Variants in THADA observed in about 807,000 individuals in gnomAD.
THADA encodes THADA armadillo repeat containing, also known as tRNA (32-2'-O)-methyltransferase regulator THADA.
A neutral mutation model predicts 219.8 loss-of-function variants in THADA; 213 were observed. The observed-to-expected ratio is 0.97, with a 90% CI of 0.87 to 1.09. The LOEUF (loss-of-function observed/expected upper bound fraction) is 1.09, where lower values mean the gene tolerates loss of function less well. THADA is among the 50% of genes least tolerant of loss of function. The pLI, the probability that THADA is intolerant of heterozygous loss-of-function variation, is 0.00. For missense variants in THADA, 2,956 were observed against 2,311.3 expected (o/e 1.28, Z -5.72); for synonymous variants, 1,018 against 828.9 (o/e 1.23, Z -3.92).
intron 29 of THADA, among the ~76,000 whole-genome samples, chr2:43,375,150 A>G (rs1671229292): frequency 6.6e-6 from 1 of 152,198 alleles, no homozygotes; most frequent in African/African-American, 2.4e-5. Flanking sequence ...TAACATCTCT[A>G]TTCCTTACAG....
Position 43,567,701 on chromosome 2 carries a change from G to C in THADA, c.2188-880C>G, listed in dbSNP as rs182142945. ...ATTTATATGGTTTAATATAGTTCTTGTTTCCTGCAATCAGACTGTAGCCAC... is the reference window on the plus strand; with the variant it reads ...ATTTATATGGTTTAATATAGTTCTTCTTTCCTGCAATCAGACTGTAGCCAC... On this transcript the variant is annotated intron_variant, in intron 14 of 37. Transcript: ENST00000405975. Among the ~76,000 whole-genome samples the C allele has an allele frequency of 3.1e-3, 479 of 152,324 alleles. 3 individuals are homozygous for C. The highest frequency in any genetic ancestry group is 0.011 in the African/African-American group (462 of 41,576).
At chr2:43,569,343 T>C (rs1699039645) in intron 14 of THADA, among the ~76,000 whole-genome samples, 1 of 152,216 alleles carries the variant, frequency 6.6e-6, no homozygotes, top group East Asian at 1.9e-4. Flanking sequence ...GCCTTTTAGC[T>C]AAGATCAAGT....
intron 25 of THADA, among the ~76,000 whole-genome samples, chr2:43,489,006 G>A (rs1687265407): frequency 6.6e-6 from 1 of 152,084 alleles, no homozygotes; most frequent in Non-Finnish European, 1.5e-5. Context: ...AAATTGGGTT[G>A]TCGTTTATTA....
At chr2:43,465,390 C>A (rs1573784740) in intron 26 of THADA, among the ~76,000 whole-genome samples, 1 of 151,686 alleles carries the variant, frequency 6.6e-6, no homozygotes, top group East Asian at 1.9e-4. Flanking sequence ...TGACTGAGTT[C>A]AGAAGGGCTG....
chr2:43,512,371 G>C (rs548461607), intron 22 of THADA, among the ~76,000 whole-genome samples: 1 of 152,090 alleles, frequency 6.6e-6, no homozygotes, highest in Non-Finnish European at 1.5e-5. Flanking sequence ...CCTCTCCCAG[G>C]CAAGTCCTGA....
chr2:43,568,986 TG>T (rs905019693), intron 14 of THADA, among the ~76,000 whole-genome samples: 1 of 152,194 alleles, frequency 6.6e-6, no homozygotes, highest in African/African-American at 2.4e-5. Context: ...TTAATTTTTT[TG>T]AAGCAGGGTC....
At chr2:43,265,300 T>C (rs961277918) in intron 36 of THADA, among the ~76,000 whole-genome samples, 1 of 152,220 alleles carries the variant, frequency 6.6e-6, no homozygotes, top group Non-Finnish European at 1.5e-5. Flanking sequence ...TTTGAGTGTA[T>C]ATTTTAAAAC....
intron 25 of THADA, among the ~76,000 whole-genome samples, chr2:43,494,312 T>A (rs1183092444): frequency 6.6e-6 from 1 of 152,236 alleles, no homozygotes; most frequent in African/African-American, 2.4e-5. Context: ...ATATCATTCA[T>A]CTTTCCTTGC....
At chr2:43,455,571 C>G (rs574648658) in intron 26 of THADA, among the ~76,000 whole-genome samples, 2 of 151,920 alleles carry the variant, frequency 1.3e-5, no homozygotes, top group South Asian at 2.1e-4. Context: ...AAGAGTAATT[C>G]TGTCAGTTAA....
At chr2:43,592,090 G>C (rs776420249) in intron 2 of THADA, 44 bp from the exon 3 acceptor site, 1 of 1,444,296 alleles carries the variant, frequency 6.9e-7, no homozygotes, top group Non-Finnish European at 9.3e-7. Flanking sequence ...ATTTAACAGT[G>C]AGTTAACTTT....
At chr2:43,512,028 C>A (rs914958781) in intron 22 of THADA, among the ~76,000 whole-genome samples, 1 of 152,146 alleles carries the variant, frequency 6.6e-6, no homozygotes, top group Non-Finnish European at 1.5e-5. Context: ...CTATTTATTC[C>A]CTTGAGTATT....
At chr2:43,497,397 G>A (rs896787110) in intron 25 of THADA, among the ~76,000 whole-genome samples, 6 of 152,178 alleles carry the variant, frequency 3.9e-5, no homozygotes, top group Non-Finnish European at 7.3e-5. Context: ...GGACATGGAT[G>A]AGGCTAGAAG....
chr2:43,292,030 T>C (rs1674790711), intron 33 of THADA, 74 bp downstream of exon 33: 2 of 1,033,184 alleles, frequency 1.9e-6, no homozygotes, highest in Admixed American at 5.4e-5. Flanking sequence ...CAGGATTGTG[T>C]GCAAGTTCAT....
At chr2:43,492,212 C>G (rs1233041430) in intron 25 of THADA, 1 of 151,676 alleles carries the variant, frequency 6.6e-6, no homozygotes, top group Non-Finnish European at 1.5e-5. Flanking sequence ...ACTCAGGAGG[C>G]TGAGGCAGGA....
At chr2:43,363,996 C>T (rs887466195) in intron 29 of THADA, among the ~76,000 whole-genome samples, 2 of 152,116 alleles carry the variant, frequency 1.3e-5, no homozygotes, top group African/African-American at 2.4e-5. Context: ...CCAAGGCGGG[C>T]AGATTGCTTG....
At chr2:43,423,455 C>T (rs1446085047) in intron 28 of THADA, among the ~76,000 whole-genome samples, 7 of 145,156 alleles carry the variant, frequency 4.8e-5, no homozygotes, top group East Asian at 2.0e-4. Context: ...TTTTTTGAGA[C>T]GGAGTCTTGC....
chr2:43,288,535 C>G (rs765778570), intron 34 of THADA, among the ~76,000 whole-genome samples: 1 of 152,192 alleles, frequency 6.6e-6, no homozygotes, highest in Non-Finnish European at 1.5e-5. Flanking sequence ...GATGAAGAGA[C>G]AGATGAAAAG....
chr2:43,363,987 C>A (rs1669818463), intron 29 of THADA, among the ~76,000 whole-genome samples: 1 of 152,100 alleles, frequency 6.6e-6, no homozygotes, highest in Non-Finnish European at 1.5e-5. Context: ...TTTGGGAGGC[C>A]AAGGCGGGCA....
rs545993930 is a variant in THADA at position 43,571,692 on chromosome 2, G to A, written c.2064+15C>T. 8 of 1,601,700 alleles carry A rather than the reference G, an allele frequency of 5.0e-6. No individual in the cohort carries two copies. In the South Asian group the frequency reaches 8.9e-5, roughly 18 times the overall value. On this transcript the variant is annotated intron_variant, in intron 13 of 37. Transcript: ENST00000405975. ...AGTTCACCACTTCCCTATGCCTTCT[G>A]ATGGGAAATTCTACCTTTTTAAGAA...
Sources: allele counts gnomAD v4.1 joint callset (sites outside exome capture counted in the v4.1 genomes callset), GRCh38; gene constraint gnomAD v4.1.1; transcripts MANE v1.5; gene names NCBI Gene and HGNC (gene_info 2026-07-23, HGNC 2026-07-21).